Variants in VPS13C observed in about 807,000 individuals in gnomAD.
VPS13C encodes intermembrane lipid transfer protein VPS13C.
Under a neutral mutation model 456.8 loss-of-function variants are expected in VPS13C, and 358 were observed. The ratio of observed to expected loss-of-function variants is 0.78; its 90% CI spans 0.72 to 0.86. The LOEUF (loss-of-function observed/expected upper bound fraction) is 0.86. Among genes scored for constraint, VPS13C ranks in the 40% least tolerant of loss-of-function variants. The pLI, the probability that VPS13C is intolerant of heterozygous loss-of-function variation, is 0.00. For synonymous variants in VPS13C, 1,578 were observed against 1,486.7 expected (o/e 1.06, Z -1.41); for missense variants, 4,818 against 4,385.4 (o/e 1.10, Z -2.79).
At position 62,060,297 on chromosome 15, in the gene VPS13C, C is replaced by A. The variant is rs371034613; in HGVS notation, c.78G>T (p.Gln26His). 1.9e-6 allele frequency: 3 copies of A among 1,606,790 alleles called. No individual in the cohort carries two copies. Among genetic ancestry groups the A allele is most frequent in the Non-Finnish European group, 2.5e-6 (3 of 1,177,262 alleles). ...GDYVENLNKS[Q>H]LKLGIWGGNV... ...TACCGCCCCAGATGCCCAGCTTCAG[C>A]TGGGACTTGTTCAGGTTCTCCACAT... The change falls in exon 1 of 85, where the codon CAG (glutamine) becomes CAT (histidine). Residue 26 changes from glutamine to histidine, a missense_variant. By Grantham distance (24) the Gln-to-His change is conservative. Coordinates refer to ENST00000644861, the MANE Select transcript of VPS13C (RefSeq NM_020821.3).
At chr15:62,004,587 T>G (rs1043757294) in intron 15 of VPS13C, among the ~76,000 whole-genome samples, 14 of 151,018 alleles carry the variant, frequency 9.3e-5, no homozygotes, top group Admixed American at 6.6e-4. Flanking sequence ...TGCTCTTGCT[T>G]TTCTAGTTCT....
chr15:61,982,649 A>G, intron 20 of VPS13C, 76 bp from the exon 21 acceptor site: 2 of 950,452 alleles, frequency 2.1e-6, no homozygotes, highest in Non-Finnish European at 3.2e-6. Context: ...GTTTCACCTC[A>G]ATTCTAAACA....
At chr15:62,029,106 A>G (rs1163930571) in intron 5 of VPS13C, among the ~76,000 whole-genome samples, 1 of 152,098 alleles carries the variant, frequency 6.6e-6, no homozygotes, top group African/African-American at 2.4e-5. Flanking sequence ...CTAGAGCCAG[A>G]CCGGATTCAA....
At position 61,880,875 on chromosome 15, in the gene VPS13C, G is replaced by T. The variant is rs767061423; in HGVS notation, c.9856C>A (p.Pro3286Thr). ...CTTTCAGCTTCAGGGTCTGTTGTTG[G>T]GGTAAACAGTGCAATAATAGCTCCT... Reference protein sequence around the residue: ...FLGAIIALFTPTTDPEAERRR... With the variant: ...FLGAIIALFTTTTDPEAERRR... Residue 3286 changes from proline (P) to threonine (T), a missense_variant, in exon 72 of 85, where the codon CCA becomes ACA. Coordinates refer to ENST00000644861, the MANE Select transcript of VPS13C (RefSeq NM_020821.3). 1 of 1,608,838 alleles carries T rather than the reference G, an allele frequency of 6.2e-7. No homozygotes were observed. The highest frequency in any genetic ancestry group is 8.5e-7 in the Non-Finnish European group (1 of 1,178,134).
At chr15:62,028,547 T>G in intron 5 of VPS13C, 127 bp from the exon 6 acceptor site, 1 of 891,004 alleles carries the variant, frequency 1.1e-6, no homozygotes, top group Admixed American at 2.4e-5. Context: ...TAATTAAAAT[T>G]TGGTGACACC....
chr15:62,053,574 C>T (rs964331093), intron 1 of VPS13C, among the ~76,000 whole-genome samples: 5 of 152,222 alleles, frequency 3.3e-5, no homozygotes, highest in African/African-American at 9.6e-5. Context: ...AAGGATCTCA[C>T]GTTGTTCTTG....
At chr15:61,994,181 A>G (rs561720295) in intron 16 of VPS13C, among the ~76,000 whole-genome samples, 1 of 152,236 alleles carries the variant, frequency 6.6e-6, no homozygotes, top group East Asian at 1.9e-4. Flanking sequence ...GAAAAAAATC[A>G]ATGTTAGATA....
intron 3 of VPS13C, among the ~76,000 whole-genome samples, chr15:62,036,985 C>T (rs561042269): frequency 3.4e-5 from 5 of 149,146 alleles, no homozygotes; most frequent in African/African-American, 7.4e-5. Context: ...AATATAAATG[C>T]TCTGTAAACC....
At chr15:62,006,960 C>A (rs999371843) in intron 15 of VPS13C, among the ~76,000 whole-genome samples, 1 of 151,940 alleles carries the variant, frequency 6.6e-6, no homozygotes, top group African/African-American at 2.4e-5. Context: ...AAGCCACTAC[C>A]GTATAAATAC....
rs149499815 is a variant in VPS13C at position 61,866,982 on chromosome 15, C to CA, written c.10863+1676dup. 6.4e-4 allele frequency: 620 copies of CA among 972,482 alleles called. 2 individuals carry two copies. The African/African-American group carries it at 9.6e-3, about 15-fold the overall frequency. The allele number at this position is 972,482 out of a possible 1,614,324, so 60.2% of individuals were successfully genotyped here. A position where few individuals can be genotyped will look rare whatever the true frequency, so the allele number is the denominator to read the frequency against. ...TGTTAAACATTTCCATCATTTATTA[C>CA]AAAAAAAAGAAATTGAAACATAACT... is the stretch of plus-strand genomic sequence containing the variant. On this transcript the variant is annotated intron_variant, in intron 81 of 84. Transcript: ENST00000644861.
chr15:61,928,853 C>T (rs1228582796), intron 51 of VPS13C, among the ~76,000 whole-genome samples: 1 of 151,136 alleles, frequency 6.6e-6, no homozygotes. Context: ...CACTGCACTC[C>T]AGCCTGGGTG....
intron 16 of VPS13C, 24 bp from the exon 17 acceptor site, chr15:61,991,826 T>A: frequency 6.2e-7 from 1 of 1,605,896 alleles, no homozygotes; most frequent in Non-Finnish European, 8.5e-7. Flanking sequence ...ATTAAAAAAT[T>A]TACTTTAAGA....
At chr15:61,964,420 G>A (rs4775454) in intron 31 of VPS13C, among the ~76,000 whole-genome samples, 1,816 of 152,008 alleles carry the variant, frequency 0.012, 109 homozygotes, top group Admixed American at 0.098. Context: ...GCCACTGAGC[G>A]GGGAGGAAGA....
chr15:61,912,610 C>T (rs1202626145), intron 62 of VPS13C, among the ~76,000 whole-genome samples: 1 of 150,032 alleles, frequency 6.7e-6, no homozygotes, highest in Non-Finnish European at 1.5e-5. Flanking sequence ...ACTTGAAATT[C>T]AAATTTCGGT....
chr15:61,921,058 A>G (rs1324192210), intron 55 of VPS13C, among the ~76,000 whole-genome samples: 1 of 152,026 alleles, frequency 6.6e-6, no homozygotes, highest in Admixed American at 6.6e-5. Context: ...AACCAATAAC[A>G]CCTTCAAATA....
intron 45 of VPS13C, among the ~76,000 whole-genome samples, chr15:61,943,406 G>C (rs1039248105): frequency 6.6e-6 from 1 of 152,098 alleles, no homozygotes; most frequent in Non-Finnish European, 1.5e-5. Flanking sequence ...CATGGTACTG[G>C]TACAAAAGCA....
intron 8 of VPS13C, among the ~76,000 whole-genome samples, chr15:62,022,822 T>C (rs1418778667): frequency 6.6e-6 from 1 of 151,976 alleles, no homozygotes. Flanking sequence ...CAATGCATAT[T>C]GTTCAAAATA....
intron 16 of VPS13C, 67 bp from the exon 17 acceptor site, chr15:61,991,869 G>GA: frequency 1.3e-6 from 2 of 1,506,424 alleles, no homozygotes; most frequent in South Asian, 1.3e-5. Flanking sequence ...GTGTAGCCTG[G>GA]GAAAAAAAAA....
At chr15:61,951,509 A>AT (rs1223978486) in intron 39 of VPS13C, among the ~76,000 whole-genome samples, 1 of 152,098 alleles carries the variant, frequency 6.6e-6, no homozygotes, top group Non-Finnish European at 1.5e-5. Flanking sequence ...GATGATATTA[A>AT]TTTTTTCCTC....
Sources: allele counts gnomAD v4.1 joint callset (sites outside exome capture counted in the v4.1 genomes callset), GRCh38; gene constraint gnomAD v4.1.1; transcripts MANE v1.5; gene names NCBI Gene and HGNC (gene_info 2026-07-23, HGNC 2026-07-21).